The following STK3 variants were observed in gnomAD, a reference collection of about 807,000 sequenced individuals.
The protein encoded by STK3 is serine/threonine-protein kinase 3.
In STK3, 41 loss-of-function variants were observed where a neutral mutation model predicts 58.0. The ratio of observed to expected loss-of-function variants is 0.71; its 90% CI spans 0.55 to 0.92. The LOEUF (loss-of-function observed/expected upper bound fraction) is 0.92, where lower values mean the gene tolerates loss of function less well. STK3 is among the 40% of genes least tolerant of loss of function. The pLI, the probability that STK3 is intolerant of heterozygous loss-of-function variation, is 0.00. For missense variants in STK3, 479 were observed against 602.7 expected, an observed-to-expected ratio of 0.79 and a Z score of 2.15; for synonymous variants, 170 against 191.0, an observed-to-expected ratio of 0.89 and a Z score of 0.91.
chr8:98,449,287 C>G (rs1819089968), intron 1 of STK3, among the ~76,000 whole-genome samples: 2 of 152,162 alleles, frequency 1.3e-5, no homozygotes, highest in Non-Finnish European at 2.9e-5. Flanking sequence ...AGAAGATACA[C>G]AGATTACACA....
intron 6 of STK3, among the ~76,000 whole-genome samples, chr8:98,616,742 A>C (rs1817761304): frequency 6.6e-6 from 1 of 151,860 alleles, no homozygotes. Flanking sequence ...TAAAGGGATC[A>C]ATTCAACAAG....
intron 10 of STK3, among the ~76,000 whole-genome samples, chr8:98,504,587 G>A (rs1823899681): frequency 6.6e-6 from 1 of 152,128 alleles, no homozygotes; most frequent in Non-Finnish European, 1.5e-5. Flanking sequence ...CAGGCCTGGT[G>A]GTGACAAAAT....
At chr8:98,541,357 T>A (rs1190303970) in intron 9 of STK3, among the ~76,000 whole-genome samples, 3 of 152,048 alleles carry the variant, frequency 2.0e-5, no homozygotes, top group Non-Finnish European at 2.9e-5. Context: ...TAAAAGTGTA[T>A]AGCCCCACCC....
chr8:98,419,360 CAA>C (rs973786693), intron 3 of STK3, among the ~76,000 whole-genome samples: 3 of 142,248 alleles, frequency 2.1e-5, no homozygotes, highest in Admixed American at 7.0e-5. Context: ...GACTCCATCT[CAA>C]AAAAAAAAAG....
chr8:98,892,431 G>A (rs1838232404), intron 1 of STK3, among the ~76,000 whole-genome samples: 1 of 152,120 alleles, frequency 6.6e-6, no homozygotes. Flanking sequence ...CCATTAGCTG[G>A]GTCCTCAAGG....
chr8:98,453,594 C>T (rs1819301389), downstream of STK3, among the ~76,000 whole-genome samples: 1 of 152,088 alleles, frequency 6.6e-6, no homozygotes, highest in Non-Finnish European at 1.5e-5. Context: ...CTTAAATAGA[C>T]ATAGATATAA....
chr8:98,429,432 C>T (rs956504121), intron 3 of STK3: 9 of 1,540,714 alleles, frequency 5.8e-6, no homozygotes, highest in Non-Finnish European at 8.0e-6. Context: ...ACTTGTCACC[C>T]TCCACCCCAC....
At chr8:98,883,882 G>A (rs1208369346) in intron 1 of STK3, 1 of 590,646 alleles carries the variant, frequency 1.7e-6, no homozygotes, top group African/African-American at 1.8e-5. Flanking sequence ...ACTGAAGCCA[G>A]AGGGGCAGTC....
intron 6 of STK3, among the ~76,000 whole-genome samples, chr8:98,608,950 G>A (rs750616435): frequency 5.9e-5 from 9 of 152,156 alleles, no homozygotes; most frequent in Non-Finnish European, 1.3e-4. Context: ...ATTTTGATTT[G>A]TATATCAGTG....
At chr8:98,751,683 T>G (rs568501346) in intron 3 of STK3, among the ~76,000 whole-genome samples, 2 of 152,338 alleles carry the variant, frequency 1.3e-5, no homozygotes, top group East Asian at 3.9e-4. Flanking sequence ...CTGGGCACTG[T>G]GGCTCACGCC....
At chr8:98,787,154 C>T (rs1433037519) in intron 1 of STK3, among the ~76,000 whole-genome samples, 44 of 98,456 alleles carry the variant, frequency 4.5e-4, no homozygotes, top group African/African-American at 1.1e-3. Flanking sequence ...GGCAACAGAG[C>T]GAGACTCCAC....
At chr8:98,715,832 C>T (rs1394765662) in intron 4 of STK3, among the ~76,000 whole-genome samples, 1 of 152,140 alleles carries the variant, frequency 6.6e-6, no homozygotes, top group Non-Finnish European at 1.5e-5. Context: ...CACATGCACA[C>T]GTATGTTTAC....
chr8:98,726,976 GAAGTT>G (rs1357957188), intron 4 of STK3, among the ~76,000 whole-genome samples: 1 of 152,082 alleles, frequency 6.6e-6, no homozygotes, highest in Admixed American at 6.5e-5. Context: ...GGTGTGTTTT[GAAGTT>G]TAGTAAATAT....
intron 6 of STK3, among the ~76,000 whole-genome samples, chr8:98,604,187 T>C (rs1816593537): frequency 6.6e-6 from 1 of 152,196 alleles, no homozygotes; most frequent in African/African-American, 2.4e-5. Context: ...TCTGAGATAC[T>C]CCAGGATAAA....
At chr8:98,368,333 C>G (rs1402854825), downstream of STK3, among the ~76,000 whole-genome samples, 1 of 152,198 alleles carries the variant, frequency 6.6e-6, no homozygotes, top group Non-Finnish European at 1.5e-5. Context: ...CTGAAACAGT[C>G]TCTGCAGTTT....
intron 3 of STK3, chr8:98,875,466 T>G (rs1837533083): frequency 6.6e-6 from 1 of 152,220 alleles, no homozygotes. Context: ...CTTCTGTTTT[T>G]TAAACACAAG....
chr8:98,822,981 T>C (rs1023842907), intron 1 of STK3, among the ~76,000 whole-genome samples: 3 of 152,218 alleles, frequency 2.0e-5, no homozygotes, highest in Non-Finnish European at 4.4e-5. Context: ...TGAGCCGAGA[T>C]TGTACCCCTC....
chr8:98,777,322 T>G (rs1587592491), intron 1 of STK3, among the ~76,000 whole-genome samples: 1 of 151,778 alleles, frequency 6.6e-6, no homozygotes, highest in Non-Finnish European at 1.5e-5. Flanking sequence ...AGCTCAGGAG[T>G]TCGAGACCAG....
At chr8:98,405,515 C>T (rs955155949) in intron 3 of STK3, among the ~76,000 whole-genome samples, 13 of 152,150 alleles carry the variant, frequency 8.5e-5, no homozygotes, top group Admixed American at 4.6e-4. Context: ...AATCACTGTG[C>T]GTGGAATGTA....
Sources: gnomAD v4.1 joint callset for allele counts (sites outside exome capture counted in the v4.1 genomes callset) on GRCh38, gnomAD v4.1.1 for gene constraint, MANE v1.5 for transcripts, NCBI Gene and HGNC (gene_info 2026-07-23, HGNC 2026-07-21) for gene names.